Variants in RCL1 observed in about 807,000 individuals in gnomAD.
RCL1 encodes RNA 3'-terminal phosphate cyclase-like protein.
In RCL1, 24 loss-of-function variants were observed where a neutral mutation model predicts 42.4. The ratio of observed to expected loss-of-function variants is 0.57; its 90% CI spans 0.41 to 0.80. RCL1 has a LOEUF of 0.80. RCL1 is among the 30% of genes least tolerant of loss of function. The probability of loss-of-function intolerance (pLI) is 0.00; values close to 1 mark genes in which losing one functional copy is unlikely to be tolerated. For synonymous variants in RCL1, 228 were observed against 177.3 expected (o/e 1.29, Z -2.27); for missense variants, 578 against 467.9 (o/e 1.24, Z -2.17).
chr9:4,844,867 C>G (rs1410926166), intron 7 of RCL1, among the ~76,000 whole-genome samples, 186 bp downstream of exon 7: 2 of 152,202 alleles, frequency 1.3e-5, no homozygotes, highest in Non-Finnish European at 2.9e-5. Flanking sequence ...GAGTAGAGAT[C>G]TAGCCCCACT....
chr9:4,823,442 C>G lies in RCL1; in HGVS notation c.137-106C>G, dbSNP rs1161721322. 1.9e-5 allele frequency: 15 copies of G among 803,318 alleles called. No homozygotes were observed. The South Asian group carries it at 2.6e-4, about 14-fold the overall frequency. 49.8% of individuals were successfully genotyped at this position (803,318 alleles called of 1,614,324 possible). A position where few individuals can be genotyped will look rare whatever the true frequency, so the allele number is the denominator to read the frequency against. ...GCCCAGGTGTGATGCAGGAAGTAAC[C>G]TGCCCTCTACCACAGTACCTGAATC... is the stretch of plus-strand genomic sequence containing the variant. On this transcript the variant is annotated intron_variant, in intron 1 of 8. Transcript: ENST00000381750.
Position 4,833,171 on chromosome 9 carries a change from A to C in RCL1, c.402A>C (p.Ala134=), listed in dbSNP as rs1035144469. The C allele has an allele frequency of 6.2e-7, 1 of 1,612,370 alleles. No homozygotes were observed. Among genetic ancestry groups the C allele is most frequent in the Non-Finnish European group, 8.5e-7 (1 of 1,178,340 alleles). ...TTTCATAGGTTGATGTTCTTAAGGC[A>C]ACAGCACTCCCTTTGTTGAAACAAT... The part of the protein sequence containing the change: ...QVDPSVDVLK[A]TALPLLKQFG... The change falls in exon 4 of 9, where the codon GCA becomes GCC. Residue 134 remains alanine, a synonymous_variant. Coordinates refer to ENST00000381750, the MANE Select transcript of RCL1 (RefSeq NM_005772.5).
At chr9:4,854,239 C>CT (rs1431015998) in intron 8 of RCL1, among the ~76,000 whole-genome samples, 34 of 152,270 alleles carry the variant, frequency 2.2e-4, no homozygotes, top group African/African-American at 7.5e-4. Context: ...GCCTAGTTCT[C>CT]TGTTTCCTGC....
chr9:4,795,867 C>A (rs973905088), intron 1 of RCL1, among the ~76,000 whole-genome samples: 5 of 152,078 alleles, frequency 3.3e-5, no homozygotes, highest in African/African-American at 7.2e-5. Flanking sequence ...AAGCTGGTTG[C>A]CCCTGTTCTC....
chr9:4,827,394 C>T, intron 3 of RCL1: 1 of 645,154 alleles, frequency 1.6e-6, no homozygotes, highest in Non-Finnish European at 2.5e-6. Flanking sequence ...GGCAGCTGAC[C>T]AAAATTTTGG....
intron 2 of RCL1, among the ~76,000 whole-genome samples, chr9:4,824,324 A>G (rs1013079317): frequency 6.6e-6 from 1 of 151,582 alleles, no homozygotes; most frequent in Non-Finnish European, 1.5e-5. Context: ...ACATTTGCAT[A>G]ATTCAGACCA....
intron 1 of RCL1, among the ~76,000 whole-genome samples, chr9:4,814,504 T>A (rs1816302913): frequency 6.6e-6 from 1 of 152,182 alleles, no homozygotes; most frequent in South Asian, 2.1e-4. Flanking sequence ...CTGGGCATGA[T>A]CATCCTCCTG....
At chr9:4,810,692 G>A (rs1816144261) in intron 1 of RCL1, among the ~76,000 whole-genome samples, 1 of 152,162 alleles carries the variant, frequency 6.6e-6, no homozygotes, top group Admixed American at 6.5e-5. Flanking sequence ...GGATCGTAGG[G>A]TGTGCCTATG....
intron 1 of RCL1, among the ~76,000 whole-genome samples, chr9:4,813,747 A>G (rs907708912): frequency 2.0e-5 from 3 of 152,254 alleles, no homozygotes; most frequent in African/African-American, 7.2e-5. Context: ...ACGTATGTTT[A>G]TTGCGGCACT....
At chr9:4,851,212 C>G (rs1817737618) in intron 8 of RCL1, among the ~76,000 whole-genome samples, 1 of 152,144 alleles carries the variant, frequency 6.6e-6, no homozygotes, top group African/African-American at 2.4e-5. Flanking sequence ...CATAAAATGA[C>G]TTCCTCTCCT....
At chr9:4,801,718 CTTTTTTTTTTT>C (rs57255135) in intron 1 of RCL1, among the ~76,000 whole-genome samples, 4,155 of 111,500 alleles carry the variant, frequency 0.037, 192 homozygotes, top group African/African-American at 0.12. Flanking sequence ...GGTTGCGATT[CTTTTTTTTTTT>C]TTTTTTTGCC....
At chr9:4,819,586 A>T (rs976359181) in intron 1 of RCL1, among the ~76,000 whole-genome samples, 3 of 151,988 alleles carry the variant, frequency 2.0e-5, no homozygotes, top group Non-Finnish European at 4.4e-5. Context: ...AGGCGGGGGG[A>T]TCATGAGGTC....
At chr9:4,838,656 T>A (rs1238800055) in intron 5 of RCL1, among the ~76,000 whole-genome samples, 1 of 152,152 alleles carries the variant, frequency 6.6e-6, no homozygotes, top group African/African-American at 2.4e-5. Flanking sequence ...GGGAGTCCCA[T>A]ATGGACTGTA....
chr9:4,812,502 G>A (rs998670667), intron 1 of RCL1, among the ~76,000 whole-genome samples: 18 of 152,152 alleles, frequency 1.2e-4, no homozygotes, highest in South Asian at 6.2e-4. Flanking sequence ...GGGCTCAAAC[G>A]ATCCTCCTGC....
chr9:4,856,223 G>A (rs1224067440), intron 8 of RCL1, among the ~76,000 whole-genome samples: 2 of 152,188 alleles, frequency 1.3e-5, no homozygotes, highest in Non-Finnish European at 2.9e-5. Context: ...ACAGGATGGG[G>A]GAGATGGTGG....
chr9:4,854,891 T>C (rs986907962), intron 8 of RCL1, among the ~76,000 whole-genome samples: 2 of 151,900 alleles, frequency 1.3e-5, no homozygotes, highest in African/African-American at 4.8e-5. Flanking sequence ...CCGTCTCTAC[T>C]AAAAATACAA....
At chr9:4,795,151 C>G (rs572255548) in intron 1 of RCL1, among the ~76,000 whole-genome samples, 2 of 152,078 alleles carry the variant, frequency 1.3e-5, no homozygotes, top group South Asian at 2.1e-4. Context: ...GATCTCGGCT[C>G]ACTGCAACCT....
chr9:4,828,911 G>A (rs1816861059), intron 3 of RCL1, among the ~76,000 whole-genome samples: 1 of 152,192 alleles, frequency 6.6e-6, no homozygotes, highest in Non-Finnish European at 1.5e-5. Context: ...CTGGCTCCAG[G>A]CCAGGGTAAA....
chr9:4,809,666 A>G (rs965724093), intron 1 of RCL1, among the ~76,000 whole-genome samples: 8 of 152,228 alleles, frequency 5.3e-5, no homozygotes, highest in African/African-American at 1.7e-4. Flanking sequence ...GAATCAAAAT[A>G]TATGAAATTC....
Sources: allele counts gnomAD v4.1 joint callset (sites outside exome capture counted in the v4.1 genomes callset), GRCh38; gene constraint gnomAD v4.1.1; transcripts MANE v1.5; gene names NCBI Gene and HGNC (gene_info 2026-07-23, HGNC 2026-07-21).